PLCB1: variants seen among roughly 807,000 people sequenced by gnomAD.
The protein encoded by PLCB1 is 1-phosphatidylinositol 4,5-bisphosphate phosphodiesterase beta-1.
Under a neutral mutation model 161.8 loss-of-function variants are expected in PLCB1, and 46 were observed. The observed-to-expected ratio is 0.28, with a 90% CI of 0.22 to 0.36. The LOEUF (loss-of-function observed/expected upper bound fraction) is 0.36. PLCB1 is among the 10% of genes least tolerant of loss of function. The pLI, the probability that PLCB1 is intolerant of heterozygous loss-of-function variation, is 1.00. For synonymous variants in PLCB1, 517 were observed against 503.7 expected, an observed-to-expected ratio of 1.03 and a Z score of -0.35; for missense variants, 1,016 against 1,472.5, an observed-to-expected ratio of 0.69 and a Z score of 5.07.
chr20:8,808,869 T>C (rs1207097897), intron 31 of PLCB1, among the ~76,000 whole-genome samples: 1 of 152,242 alleles, frequency 6.6e-6, no homozygotes, highest in Non-Finnish European at 1.5e-5. Flanking sequence ...TGTGACCTGG[T>C]TATTCAACAC....
chr20:8,651,078 G>T (rs1291409181), intron 7 of PLCB1, among the ~76,000 whole-genome samples: 1 of 152,134 alleles, frequency 6.6e-6, no homozygotes. Context: ...GAAGTCCATT[G>T]CATAAAATTT....
At chr20:8,221,310 A>G (rs1403487113) in intron 2 of PLCB1, among the ~76,000 whole-genome samples, 2 of 152,174 alleles carry the variant, frequency 1.3e-5, no homozygotes, top group African/African-American at 4.8e-5. Context: ...AGCCTTTGTC[A>G]TCATGATGAT....
chr20:8,627,892 G>C (rs573618559), intron 3 of PLCB1, among the ~76,000 whole-genome samples: 1 of 152,282 alleles, frequency 6.6e-6, no homozygotes, highest in East Asian at 1.9e-4. Flanking sequence ...GTCCTACGTA[G>C]GCATTGTCAT....
At chr20:8,260,873 C>T (rs1359544395) in intron 2 of PLCB1, among the ~76,000 whole-genome samples, 1 of 152,114 alleles carries the variant, frequency 6.6e-6, no homozygotes, top group Non-Finnish European at 1.5e-5. Context: ...TGGCCAACTG[C>T]CCTGGGCTGA....
At chr20:8,553,998 T>C (rs1342877400) in intron 3 of PLCB1, among the ~76,000 whole-genome samples, 1 of 151,432 alleles carries the variant, frequency 6.6e-6, no homozygotes, top group Admixed American at 6.6e-5. Flanking sequence ...CAAGACTCCA[T>C]CTCAAAAACA....
rs769339709 is a variant in PLCB1, at chr20:8,215,292, G to A, written c.177+64921G>A. 4.6e-5 allele frequency among the ~76,000 whole-genome samples: 7 copies of A among 151,904 alleles called. No individual in the cohort carries two copies. The East Asian group carries it at 5.8e-4, about 13-fold the overall frequency. On this transcript the variant is annotated intron_variant, in intron 2 of 31. Transcript: ENST00000338037. ...ATCGATTTGTTAATCTCAAAAGGCC[G>A]TAAAAACCTGAAAACTTAAGTAGCT...
intron 5 of PLCB1, 117 bp from the exon 6 acceptor site, chr20:8,647,783 T>C: frequency 1.3e-6 from 1 of 747,376 alleles, no homozygotes; most frequent in Admixed American, 2.1e-5. Context: ...CTTGGGCAGT[T>C]TGTGGAAATT....
intron 9 of PLCB1, among the ~76,000 whole-genome samples, chr20:8,679,999 A>G (rs1265425768): frequency 6.6e-6 from 1 of 152,200 alleles, no homozygotes; most frequent in East Asian, 1.9e-4. Context: ...TGAGGCATCC[A>G]TATAGTTTAC....
At chr20:8,796,218 T>C (rs1374606735) in intron 31 of PLCB1, among the ~76,000 whole-genome samples, 1 of 152,030 alleles carries the variant, frequency 6.6e-6, no homozygotes, top group African/African-American at 2.4e-5. Context: ...TACTGGCTCT[T>C]TTTTTTCCCT....
chr20:8,261,013 A>G (rs1981662957), intron 2 of PLCB1, among the ~76,000 whole-genome samples: 1 of 152,200 alleles, frequency 6.6e-6, no homozygotes, highest in African/African-American at 2.4e-5. Flanking sequence ...AAGACCTCAC[A>G]GCCCTTGTGT....
chr20:8,648,591 A>G (rs1989229443), intron 6 of PLCB1, among the ~76,000 whole-genome samples: 2 of 152,182 alleles, frequency 1.3e-5, no homozygotes, highest in Non-Finnish European at 2.9e-5. Flanking sequence ...TCTAGGTCAT[A>G]TCCAGCCAAA....
chr20:8,626,927 T>C (rs1988366388), intron 3 of PLCB1, among the ~76,000 whole-genome samples: 1 of 152,226 alleles, frequency 6.6e-6, no homozygotes, highest in South Asian at 2.1e-4. Flanking sequence ...CTTTCGTTAA[T>C]GGTAGAGTGC....
chr20:8,819,623 T>A (rs1433686853), intron 31 of PLCB1, among the ~76,000 whole-genome samples: 2 of 152,122 alleles, frequency 1.3e-5, no homozygotes, highest in Non-Finnish European at 2.9e-5. Context: ...TTATACATCA[T>A]CCTTTGCTAA....
chr20:8,142,468 T>A (rs2051414323), intron 1 of PLCB1, among the ~76,000 whole-genome samples: 1 of 152,264 alleles, frequency 6.6e-6, no homozygotes, highest in South Asian at 2.1e-4. Flanking sequence ...TGATTTCATT[T>A]AAGGTCCAAA....
chr20:8,242,511 A>T (rs1325586005), intron 2 of PLCB1, among the ~76,000 whole-genome samples: 1 of 151,964 alleles, frequency 6.6e-6, no homozygotes, highest in Admixed American at 6.6e-5. Context: ...CAGGCACCTG[A>T]TCCTCTAATT....
At chr20:8,306,759 A>C (rs949101451) in intron 2 of PLCB1, among the ~76,000 whole-genome samples, 1 of 152,234 alleles carries the variant, frequency 6.6e-6, no homozygotes, top group African/African-American at 2.4e-5. Flanking sequence ...GTACGTGAAC[A>C]GTTTAAGGAA....
At chr20:8,281,744 G>A (rs1600284960) in intron 2 of PLCB1, among the ~76,000 whole-genome samples, 1 of 151,954 alleles carries the variant, frequency 6.6e-6, no homozygotes, top group East Asian at 1.9e-4. Context: ...CAACACATAA[G>A]TGCTTCTATT....
In PLCB1 at chr20:8,564,109, C is replaced by T. The variant is rs540812256; in HGVS notation, c.247-64185C>T. ...GACTTCAAACTATACTACAAGGCTACAGTAACCAAACAGTGTGGTACTGGT... is the reference window on the plus strand; with the variant it reads ...GACTTCAAACTATACTACAAGGCTATAGTAACCAAACAGTGTGGTACTGGT... On this transcript the variant is annotated intron_variant, in intron 3 of 31. Coordinates refer to ENST00000338037, the MANE Select transcript of PLCB1 (RefSeq NM_015192.4). Among the ~76,000 whole-genome samples the T allele has an allele frequency of 3.0e-4, 45 of 152,266 alleles. No individual in the cohort carries two copies. The South Asian group carries it at 5.2e-3, about 18-fold the overall frequency.
chr20:8,455,986 T>C (rs1247944500), intron 3 of PLCB1, among the ~76,000 whole-genome samples: 1 of 152,214 alleles, frequency 6.6e-6, no homozygotes, highest in Non-Finnish European at 1.5e-5. Flanking sequence ...ATCAAAACCA[T>C]GCAGTAAATT....
Sources: allele counts gnomAD v4.1 joint callset (sites outside exome capture counted in the v4.1 genomes callset), GRCh38; gene constraint gnomAD v4.1.1; transcripts MANE v1.5; gene names NCBI Gene and HGNC (gene_info 2026-07-23, HGNC 2026-07-21).